The following NTN1 variants were observed in gnomAD, a reference collection of about 807,000 sequenced individuals.
The protein encoded by NTN1 is netrin-1.
Under a neutral mutation model 54.2 loss-of-function variants are expected in NTN1, and 11 were observed. The observed-to-expected ratio is 0.20, with a 90% CI of 0.13 to 0.34. The LOEUF is 0.34. NTN1 is among the 10% of genes least tolerant of loss of function. The probability of loss-of-function intolerance (pLI) is 1.00; values close to 1 mark genes in which losing one functional copy is unlikely to be tolerated. For missense variants in NTN1, 740 were observed against 893.1 expected (o/e 0.83, Z 2.18); for synonymous variants, 371 against 382.0 (o/e 0.97, Z 0.33).
At chr17:9,149,260 C>G (rs934538987) in intron 2 of NTN1, among the ~76,000 whole-genome samples, 1 of 150,318 alleles carries the variant, frequency 6.7e-6, no homozygotes, top group East Asian at 2.0e-4. Flanking sequence ...GAACCCCCCC[C>G]ACACCCCCAC....
intron 2 of NTN1, among the ~76,000 whole-genome samples, chr17:9,083,624 C>G (rs1022040319): frequency 8.5e-5 from 13 of 152,170 alleles, no homozygotes; most frequent in Admixed American, 3.3e-4. Flanking sequence ...ACCTTGGATG[C>G]TGTGGTGTGT....
chr17:9,175,030 C>T (rs2092396410), intron 3 of NTN1: 1 of 152,342 alleles, frequency 6.6e-6, no homozygotes, highest in African/African-American at 2.4e-5. Flanking sequence ...TCAAGAGCCC[C>T]TGGAGCCAGA....
intron 2 of NTN1, among the ~76,000 whole-genome samples, chr17:9,047,805 C>T (rs554504709): frequency 9.2e-5 from 14 of 152,206 alleles, no homozygotes; most frequent in African/African-American, 2.9e-4. Context: ...AGGGATTCTC[C>T]TGCCTGGGCC....
chr17:9,161,207 G>A (rs1424740373), intron 2 of NTN1, among the ~76,000 whole-genome samples: 2 of 152,106 alleles, frequency 1.3e-5, no homozygotes, highest in Non-Finnish European at 2.9e-5. Context: ...GAGCGGGGCT[G>A]GGAAGTAACA....
intron 2 of NTN1, among the ~76,000 whole-genome samples, chr17:9,152,007 G>A (rs1010376568): frequency 6.6e-6 from 1 of 152,210 alleles, no homozygotes; most frequent in South Asian, 2.1e-4. Context: ...TGATAGGACA[G>A]AAATGGAACA....
chr17:9,160,602 A>G (rs1283014191), intron 2 of NTN1, among the ~76,000 whole-genome samples: 1 of 152,228 alleles, frequency 6.6e-6, no homozygotes, highest in East Asian at 1.9e-4. Context: ...GGTTGGTAGA[A>G]ATAGGAGTGT....
chr17:9,213,243 G>C (rs1231195435), intron 5 of NTN1, among the ~76,000 whole-genome samples: 1 of 152,266 alleles, frequency 6.6e-6, no homozygotes, highest in Non-Finnish European at 1.5e-5. Context: ...GAGCACGTCC[G>C]AGTAGGGGGC....
chr17:9,229,095 AGACTGTGACTGT>A (rs71135958), intron 6 of NTN1, among the ~76,000 whole-genome samples: 4 of 2,448 alleles, frequency 1.6e-3, no homozygotes, highest in Non-Finnish European at 2.4e-3. Flanking sequence ...TGTGTGACTG[AGACTGTGACTGT>A]GAGTGTGTGA....
intron 2 of NTN1, among the ~76,000 whole-genome samples, chr17:9,080,068 G>A (rs1209592385): frequency 2.0e-5 from 3 of 152,336 alleles, no homozygotes. Flanking sequence ...CTGAGGAAGT[G>A]GTTCCCCAGT....
Position 9,162,875 on chromosome 17 carries a change from G to A in NTN1, c.1081G>A (p.Gly361Arg). 1 of 1,614,078 alleles carries A rather than the reference G, an allele frequency of 6.2e-7. No homozygotes were observed. Among genetic ancestry groups the A allele is most frequent in the Admixed American group, 1.7e-5 (1 of 60,026 alleles). The change falls in exon 3 of 7, where the codon GGG becomes AGG. Residue 361 changes from glycine to arginine, a missense_variant. Transcript: ENST00000173229. ...RFNMELYKLS[G>R]RKSGGVCLNC... is the part of the protein sequence containing the mutation. The stretch of plus-strand genomic sequence containing the variant: ...CAACATGGAGCTCTACAAGCTTTCG[G>A]GGCGCAAGAGCGGAGGTGTCTGCCT...
At chr17:9,153,516 G>T (rs1195266697) in intron 2 of NTN1, among the ~76,000 whole-genome samples, 2 of 152,310 alleles carry the variant, frequency 1.3e-5, no homozygotes, top group East Asian at 3.9e-4. Flanking sequence ...TGGTGAATCT[G>T]TGCACCCAAG....
chr17:9,220,210 G>A (rs1905300464), intron 5 of NTN1, among the ~76,000 whole-genome samples: 1 of 152,150 alleles, frequency 6.6e-6, no homozygotes, highest in Non-Finnish European at 1.5e-5. Context: ...TACCCTCTTT[G>A]AGCCTCAGTC....
intron 2 of NTN1, among the ~76,000 whole-genome samples, chr17:9,040,000 T>C (rs2091916275): frequency 1.3e-5 from 2 of 152,208 alleles, no homozygotes; most frequent in African/African-American, 4.8e-5. Flanking sequence ...CTTGGGCAAA[T>C]ACCTAAGAGT....
chr17:9,023,204 C>T lies in NTN1; in HGVS notation c.831C>T (p.Ser277=), dbSNP rs752348512. 3.8e-6 allele frequency: 6 copies of T among 1,562,674 alleles called. No homozygotes were observed. The Admixed American group carries it at 5.5e-5, about 14-fold the overall frequency. ...LARDSYFYAV[S]DLQVGGRCKC... ...GCGACTCGTACTTCTACGCGGTGTC[C>T]GACCTGCAGGTGGGCGGCCGGTGCA... Residue 277 remains serine (S), a synonymous_variant, in exon 2 of 7, where the codon TCC becomes TCT. Transcript: ENST00000173229.
chr17:9,119,627 T>A (rs2092225993), intron 2 of NTN1, among the ~76,000 whole-genome samples: 1 of 152,032 alleles, frequency 6.6e-6, no homozygotes, highest in African/African-American at 2.4e-5. Context: ...GCCTCTCAAG[T>A]AGTTCAGACT....
At chr17:9,134,052 C>T (rs2092273991) in intron 2 of NTN1, among the ~76,000 whole-genome samples, 1 of 151,478 alleles carries the variant, frequency 6.6e-6, no homozygotes, top group African/African-American at 2.4e-5. Context: ...TTACAGGCAC[C>T]TGCCACTATG....
At chr17:9,132,200 C>T (rs1313670995) in intron 2 of NTN1, among the ~76,000 whole-genome samples, 1 of 152,156 alleles carries the variant, frequency 6.6e-6, no homozygotes, top group Non-Finnish European at 1.5e-5. Flanking sequence ...GCACCTTCTC[C>T]TCTACCCATC....
chr17:9,026,398 G>GGT (rs898524218), intron 2 of NTN1, among the ~76,000 whole-genome samples: 1 of 149,540 alleles, frequency 6.7e-6, no homozygotes, highest in Non-Finnish European at 1.5e-5. Flanking sequence ...TTCCGGGGGG[G>GGT]GGGAACAAAC....
At chr17:9,031,974 GA>G (rs2091889608) in intron 2 of NTN1, among the ~76,000 whole-genome samples, 1 of 142,116 alleles carries the variant, frequency 7.0e-6, no homozygotes, top group Non-Finnish European at 1.5e-5. Flanking sequence ...AACAAAAAAA[GA>G]AGATAAAAAA....
Sources: gnomAD v4.1 joint callset for allele counts (sites outside exome capture counted in the v4.1 genomes callset) on GRCh38, gnomAD v4.1.1 for gene constraint, MANE v1.5 for transcripts, NCBI Gene and HGNC (gene_info 2026-07-23, HGNC 2026-07-21) for gene names.